PTPRD: variants seen among roughly 807,000 people sequenced by gnomAD.
PTPRD encodes the protein receptor-type tyrosine-protein phosphatase delta.
Under a neutral mutation model 214.5 loss-of-function variants are expected in PTPRD, and 34 were observed. That is an observed-to-expected ratio of 0.16 (90% CI 0.12 to 0.21). The LOEUF (loss-of-function observed/expected upper bound fraction) is 0.21. Ranked by LOEUF, PTPRD falls within the 10% of genes least tolerant of loss-of-function variation. PTPRD has a pLI of 1.00. For missense variants in PTPRD, 2,545 were observed against 2,398.7 expected (o/e 1.06, Z -1.27); for synonymous variants, 1,128 against 845.7 (o/e 1.33, Z -5.79).
intron 8 of PTPRD, among the ~76,000 whole-genome samples, chr9:9,572,346 G>GT (rs1033672544): frequency 8.6e-5 from 13 of 151,232 alleles, no homozygotes; most frequent in African/African-American, 3.1e-4. Flanking sequence ...ATTTAAGAAT[G>GT]TAAGAATGTT....
In PTPRD at chr9:10,481,566, G is replaced by A. The variant is rs539548336; in HGVS notation, c.-600+130832C>T. Among the ~76,000 whole-genome samples, 25 of 152,214 alleles carry A rather than the reference G, an allele frequency of 1.6e-4. No homozygotes were observed. The South Asian group carries it at 1.9e-3, about 11-fold the overall frequency. Reference sequence around the variant, plus strand: ...ATTTGTGTGTTATCAATGTCTCTTAGCCTCATGAGAAAGAAGTTAAAATAT... The same window carrying A: ...ATTTGTGTGTTATCAATGTCTCTTAACCTCATGAGAAAGAAGTTAAAATAT... On this transcript the variant is annotated intron_variant, in intron 2 of 45. Coordinates refer to ENST00000381196, the MANE Select transcript of PTPRD (RefSeq NM_002839.4).
At chr9:9,617,940 C>T (rs1004407698) in intron 7 of PTPRD, among the ~76,000 whole-genome samples, 3 of 150,944 alleles carry the variant, frequency 2.0e-5, no homozygotes, top group Non-Finnish European at 3.0e-5. Context: ...GGCATGGTGG[C>T]GGGCGCCTGC....
At chr9:10,316,196 G>T (rs900565151) in intron 3 of PTPRD, among the ~76,000 whole-genome samples, 3 of 139,826 alleles carry the variant, frequency 2.1e-5, no homozygotes, top group Non-Finnish European at 4.5e-5. Flanking sequence ...CATATATATA[G>T]ACACACACAC....
At chr9:8,854,575 C>T (rs547683669) in intron 11 of PTPRD, among the ~76,000 whole-genome samples, 1 of 152,208 alleles carries the variant, frequency 6.6e-6, no homozygotes, top group South Asian at 2.1e-4. Context: ...TGAAAATCAA[C>T]GAAAGAACAG....
chr9:8,481,181 T>C (rs1281643853), intron 30 of PTPRD, among the ~76,000 whole-genome samples: 1 of 147,622 alleles, frequency 6.8e-6, no homozygotes, highest in African/African-American at 2.5e-5. Flanking sequence ...AGTAGACAAA[T>C]GTGAAGACTT....
intron 2 of PTPRD, among the ~76,000 whole-genome samples, chr9:10,465,649 T>C (rs986393597): frequency 2.0e-4 from 30 of 152,160 alleles, no homozygotes; most frequent in Admixed American, 1.6e-3. Context: ...TATACACAAA[T>C]ACCTACACTG....
At chr9:10,353,021 C>T (rs930705788) in intron 2 of PTPRD, among the ~76,000 whole-genome samples, 2 of 151,856 alleles carry the variant, frequency 1.3e-5, no homozygotes, top group African/African-American at 4.8e-5. Context: ...GTATGTGAGG[C>T]AAGGTATATA....
chr9:10,199,571 G>A (rs1409956238), intron 3 of PTPRD, among the ~76,000 whole-genome samples: 1 of 151,926 alleles, frequency 6.6e-6, no homozygotes, highest in Non-Finnish European at 1.5e-5. Flanking sequence ...GCTCTGTACA[G>A]GTCATCTTAT....
intron 6 of PTPRD, among the ~76,000 whole-genome samples, chr9:9,736,652 A>G (rs2098300776): frequency 6.6e-6 from 1 of 152,058 alleles, no homozygotes; most frequent in African/African-American, 2.4e-5. Flanking sequence ...TATTTAGTGG[A>G]ATATTTCTGT....
intron 39 of PTPRD, among the ~76,000 whole-genome samples, chr9:8,351,765 A>G (rs979667837): frequency 6.9e-6 from 1 of 145,732 alleles, no homozygotes; most frequent in Non-Finnish European, 1.5e-5. Context: ...AAAAAAAAAA[A>G]AAAAAAATCT....
At chr9:9,719,616 C>A (rs147027837) in intron 7 of PTPRD, among the ~76,000 whole-genome samples, 1 of 152,146 alleles carries the variant, frequency 6.6e-6, no homozygotes, top group Non-Finnish European at 1.5e-5. Context: ...GTAACACAAA[C>A]GGTCTGAAAC....
chr9:9,913,008 T>A (rs1444695319), intron 5 of PTPRD, among the ~76,000 whole-genome samples: 1 of 152,210 alleles, frequency 6.6e-6, no homozygotes, highest in African/African-American at 2.4e-5. Context: ...AGATTTTCTG[T>A]AAACATTCTT....
chr9:9,861,794 A>G (rs1241016319), intron 5 of PTPRD, among the ~76,000 whole-genome samples: 1 of 152,204 alleles, frequency 6.6e-6, no homozygotes, highest in African/African-American at 2.4e-5. Context: ...GGTAATGACA[A>G]GAAAAACAAG....
intron 8 of PTPRD, among the ~76,000 whole-genome samples, chr9:9,521,647 T>A (rs2096975359): frequency 6.6e-6 from 1 of 152,116 alleles, no homozygotes; most frequent in Admixed American, 6.6e-5. Context: ...GAGATTTCCT[T>A]TAGGAAATTA....
intron 3 of PTPRD, among the ~76,000 whole-genome samples, chr9:10,236,933 G>A (rs774359202): frequency 1.3e-5 from 2 of 151,680 alleles, no homozygotes; most frequent in South Asian, 2.1e-4. Context: ...TTGGTGGGGG[G>A]GCTGAAAAGA....
Position 9,934,089 on chromosome 9 carries a change from G to C in PTPRD, c.-368+4418C>G, listed in dbSNP as rs1296340438. ...GACACATTCAAAGCAGTGTGTAGAG[G>C]GAAATTTATAGCACTAAACGCCCAC... On this transcript the variant is annotated intron_variant, in intron 5 of 45. Coordinates refer to ENST00000381196, the MANE Select transcript of PTPRD (RefSeq NM_002839.4). Among the ~76,000 whole-genome samples the C allele has an allele frequency of 2.0e-5, 3 of 149,698 alleles. No homozygotes were observed. The East Asian group carries it at 5.9e-4, about 29-fold the overall frequency.
At chr9:9,392,087 A>C (rs1586917807) in intron 9 of PTPRD, among the ~76,000 whole-genome samples, 1 of 152,146 alleles carries the variant, frequency 6.6e-6, no homozygotes, top group East Asian at 1.9e-4. Flanking sequence ...GAGTTCCTGA[A>C]AAAAGAAATA....
At chr9:9,452,632 A>G (rs1299628400) in intron 8 of PTPRD, among the ~76,000 whole-genome samples, 2 of 151,342 alleles carry the variant, frequency 1.3e-5, no homozygotes, top group Non-Finnish European at 3.0e-5. Context: ...CTCTTAAATT[A>G]CTTTGAGCAT....
intron 4 of PTPRD, among the ~76,000 whole-genome samples, chr9:9,943,892 A>G (rs953065558): frequency 6.6e-6 from 1 of 152,140 alleles, no homozygotes; most frequent in Admixed American, 6.5e-5. Context: ...CCAATCTGCA[A>G]ATTGCCCTAA....
Sources: gnomAD v4.1 joint callset for allele counts (sites outside exome capture counted in the v4.1 genomes callset) on GRCh38, gnomAD v4.1.1 for gene constraint, MANE v1.5 for transcripts, NCBI Gene and HGNC (gene_info 2026-07-23, HGNC 2026-07-21) for gene names.